Variants in WDR64 observed in about 807,000 individuals in gnomAD.
The protein encoded by WDR64 is WD repeat-containing protein 64.
In WDR64, 112 loss-of-function variants were observed where a neutral mutation model predicts 139.3. The observed-to-expected ratio is 0.80, with a 90% confidence interval of 0.69 to 0.94. WDR64 has a LOEUF of 0.94. WDR64 is among the 40% of genes least tolerant of loss of function. The pLI is 0.00. For missense variants in WDR64, 1,206 were observed against 1,293.1 expected (o/e 0.93, Z 1.03); for synonymous variants, 444 against 437.7 (o/e 1.01, Z -0.18).
chr1:241,785,465 A>C (rs1374729329), intron 23 of WDR64, among the ~76,000 whole-genome samples: 4 of 152,176 alleles, frequency 2.6e-5, no homozygotes, highest in Admixed American at 1.3e-4. Flanking sequence ...TTGTGACCTA[A>C]GCATGTCCCA....
intron 10 of WDR64, among the ~76,000 whole-genome samples, chr1:241,734,982 C>A (rs1164073473): frequency 1.3e-5 from 2 of 152,130 alleles, no homozygotes; most frequent in Non-Finnish European, 2.9e-5. Context: ...ATATCATGGG[C>A]ATCTAGAGAA....
At chr1:241,762,774 CAAA>C (rs71691250) in intron 15 of WDR64, among the ~76,000 whole-genome samples, 22,626 of 133,142 alleles carry the variant, frequency 0.17, 1,893 homozygotes, top group African/African-American at 0.21. Flanking sequence ...AGCTTCCTTG[CAAA>C]AAAAAAAAAA....
intron 15 of WDR64, 99 bp downstream of exon 15, chr1:241,757,558 TG>T: frequency 1.7e-6 from 2 of 1,160,540 alleles, no homozygotes; most frequent in Non-Finnish European, 2.3e-6. Context: ...AGAGCTTCTA[TG>T]TGTTATCACT....
chr1:241,690,362 T>G (rs1286911619), intron 8 of WDR64, among the ~76,000 whole-genome samples: 1 of 151,788 alleles, frequency 6.6e-6, no homozygotes, highest in Admixed American at 6.6e-5. Context: ...TCCCAGCTAC[T>G]CAGGAGGCTG....
intron 9 of WDR64, among the ~76,000 whole-genome samples, chr1:241,715,336 G>A (rs1668362071): frequency 6.6e-6 from 1 of 152,154 alleles, no homozygotes; most frequent in African/African-American, 2.4e-5. Flanking sequence ...AAAAGACGTG[G>A]GTTACTTATA....
chr1:241,733,506 G>GAAGAGAAGAT (rs1669174358), intron 10 of WDR64, among the ~76,000 whole-genome samples: 1 of 151,434 alleles, frequency 6.6e-6, no homozygotes, highest in African/African-American at 2.4e-5. Context: ...GAAGAGAAGA[G>GAAGAGAAGAT]AATCATCATT....
chr1:241,658,284 GGT>G (rs56011225), intron 1 of WDR64, among the ~76,000 whole-genome samples: 1,877 of 147,258 alleles, frequency 0.013, 27 homozygotes, highest in African/African-American at 0.022. Flanking sequence ...TTCAAGCAAT[GGT>G]GTGTGTGTGT....
At chr1:241,745,858 A>G (rs2148253890) in intron 13 of WDR64, among the ~76,000 whole-genome samples, 1 of 152,194 alleles carries the variant, frequency 6.6e-6, no homozygotes, top group East Asian at 1.9e-4. Context: ...CTACCCACCC[A>G]TCACCTGGGA....
chr1:241,713,549 G>GGGAT (rs1245336954), intron 9 of WDR64, among the ~76,000 whole-genome samples: 1 of 151,468 alleles, frequency 6.6e-6, no homozygotes, highest in Non-Finnish European at 1.5e-5. Context: ...GAGGGAGGGA[G>GGGAT]GGAGGGAGGA....
intron 9 of WDR64, among the ~76,000 whole-genome samples, chr1:241,713,312 A>G (rs1344018330): frequency 3.0e-5 from 4 of 132,782 alleles, no homozygotes; most frequent in East Asian, 2.3e-4. Context: ...CCCTGTCTCA[A>G]AAAGAAAGGA....
At chr1:241,768,204 C>G (rs1466957545) in intron 16 of WDR64, among the ~76,000 whole-genome samples, 1 of 152,136 alleles carries the variant, frequency 6.6e-6, no homozygotes, top group African/African-American at 2.4e-5. Flanking sequence ...GGAAAACAAC[C>G]AAGTATAGTG....
chr1:241,659,025 CATTAGCT>C (rs1427788339), intron 1 of WDR64, among the ~76,000 whole-genome samples: 1 of 151,980 alleles, frequency 6.6e-6, no homozygotes, highest in Admixed American at 6.6e-5. Context: ...GCCCAATATC[CATTAGCT>C]ATTCTTCCTC....
intron 2 of WDR64, among the ~76,000 whole-genome samples, chr1:241,670,853 C>T (rs767756274): frequency 2.0e-5 from 3 of 152,128 alleles, no homozygotes; most frequent in African/African-American, 4.8e-5. Context: ...TGCCCTGGTC[C>T]GTGGAAAAAG....
At position 241,720,360 on chromosome 1, in the gene WDR64, A is replaced by G. The variant is rs373667547; in HGVS notation, c.1055-2937A>G. Among the ~76,000 whole-genome samples the G allele has an allele frequency of 7.9e-5, 12 of 152,168 alleles. No individual in the cohort carries two copies. In the East Asian group the frequency reaches 2.1e-3, roughly 27 times the overall value. ...GGTCAAATGGTATTTCTGTCCCTAG[A>G]TATTTGAGGAATCGCTACACTGCCT... On this transcript the variant is annotated intron_variant, in intron 9 of 27. Transcript: ENST00000437684.
intron 6 of WDR64, among the ~76,000 whole-genome samples, chr1:241,680,465 A>G (rs1454986954): frequency 6.6e-6 from 1 of 152,154 alleles, no homozygotes; most frequent in East Asian, 1.9e-4. Context: ...CTAAACTCCA[A>G]GATCCTGAAC....
chr1:241,800,582 G>A (rs1241798966), intron 27 of WDR64, among the ~76,000 whole-genome samples: 1 of 152,210 alleles, frequency 6.6e-6, no homozygotes, highest in East Asian at 1.9e-4. Context: ...AGGAGGTTGA[G>A]GCTGCAGTGG....
intron 8 of WDR64, among the ~76,000 whole-genome samples, chr1:241,706,559 T>C (rs907523467): frequency 6.6e-6 from 1 of 152,250 alleles, no homozygotes; most frequent in Non-Finnish European, 1.5e-5. Flanking sequence ...TACTGACTTT[T>C]GATTTATGTT....
chr1:241,710,655 A>C (rs925180634), intron 8 of WDR64, among the ~76,000 whole-genome samples: 7 of 152,148 alleles, frequency 4.6e-5, no homozygotes, highest in Non-Finnish European at 1.0e-4. Context: ...CCTGTGCAAA[A>C]GCTCTTGAGG....
rs1669537642 is a variant in WDR64, at chr1:241,741,499, TCTTA to T, written c.1322-13_1322-10del. On this transcript the variant is annotated splice_polypyrimidine_tract_variant and intron_variant, in intron 11 of 27. Coordinates refer to ENST00000437684, the MANE Select transcript of WDR64 (RefSeq NM_001367482.1). ...TTCTAATATTGCATATTTATGAGAT[TCTTA>T]CTTCTGTTCCAGGATCTAGTGTTAT... 4 of 1,582,062 alleles carry T rather than the reference TCTTA, an allele frequency of 2.5e-6. No individual in the cohort carries two copies. In the African/African-American group the frequency reaches 4.1e-5, roughly 16 times the overall value.
Sources: gnomAD v4.1 joint callset for allele counts (sites outside exome capture counted in the v4.1 genomes callset) on GRCh38, gnomAD v4.1.1 for gene constraint, MANE v1.5 for transcripts, NCBI Gene and HGNC (gene_info 2026-07-23, HGNC 2026-07-21) for gene names.